BCL9: variants seen among roughly 807,000 people sequenced by gnomAD.
BCL9 encodes BCL9 transcription coactivator.
Under a neutral mutation model 88.5 loss-of-function variants are expected in BCL9, and 25 were observed. That is an observed-to-expected ratio of 0.28 (90% CI 0.21 to 0.39). The LOEUF is 0.39. BCL9 is among the 10% of genes least tolerant of loss of function. The pLI, the probability that BCL9 is intolerant of heterozygous loss-of-function variation, is 1.00. For missense variants in BCL9, 1,817 were observed against 1,877.8 expected (o/e 0.97, Z 0.60); for synonymous variants, 711 against 673.3 (o/e 1.06, Z -0.87).
rs782506747 is a variant in BCL9, at chr1:147,614,591, G to A, written c.535G>A (p.Val179Met). Reference sequence around the variant, plus strand: ...GAAGACTCCAGCCAAAGTGGTGTACGTGTTTTCTACTGAGATGGCCAATAA... The same window carrying A: ...GAAGACTCCAGCCAAAGTGGTGTACATGTTTTCTACTGAGATGGCCAATAA... Reference protein sequence around the residue: ...AQKTPAKVVYVFSTEMANKAA... With the variant: ...AQKTPAKVVYMFSTEMANKAA... The change falls in exon 6 of 10, where the codon GTG becomes ATG. Residue 179 changes from valine to methionine, a missense_variant. By Grantham distance (21) the Val-to-Met change is conservative (BLOSUM62 1). Transcript: ENST00000234739. 6.8e-6 allele frequency: 11 copies of A among 1,613,582 alleles called. No individual in the cohort carries two copies. Among genetic ancestry groups the A allele is most frequent in the East Asian group, 4.5e-5 (2 of 44,826 alleles).
chr1:147,589,217 C>T (rs79831270), intron 1 of BCL9, among the ~76,000 whole-genome samples: 1,964 of 152,268 alleles, frequency 0.013, 28 homozygotes, highest in Non-Finnish European at 0.02. Context: ...ACCTCTGCAC[C>T]TCCAGCCTGT....
In BCL9 at chr1:147,620,613, C is replaced by G; in HGVS notation, c.2458C>G (p.Leu820Val). 1 of 1,614,208 alleles carries G rather than the reference C, an allele frequency of 6.2e-7. No individual in the cohort carries two copies. The highest frequency in any genetic ancestry group is 8.5e-7 in the Non-Finnish European group (1 of 1,180,044). Residue 820 changes from leucine (L) to valine (V), a missense_variant, in exon 8 of 10, where the codon CTA (leucine) becomes GTA (valine). Around this residue, in one of 2 missense-constraint regions of BCL9, gnomAD observed 1,228 missense variants for 1,191.6 expected, o/e 1.03. Transcript: ENST00000234739. ...TNSRLSHMPPLPLNPSSNPTS... is the reference protein window; with the variant it reads ...TNSRLSHMPPVPLNPSSNPTS... Reference sequence around the variant, plus strand: ...CAGCCGGCTCAGTCATATGCCACCACTACCTCTCAACCCTTCCAGTAACCC... The same window carrying G: ...CAGCCGGCTCAGTCATATGCCACCAGTACCTCTCAACCCTTCCAGTAACCC...
In BCL9 at chr1:147,614,441, G is replaced by C; in HGVS notation, c.385G>C (p.Asp129His). 1 of 1,613,806 alleles carries C rather than the reference G, an allele frequency of 6.2e-7. No individual in the cohort carries two copies. ...TATTCTTTTAGAATGTAATTCTGCT[G>C]ACCACATAAAGTCCCAGGATTCCCA... is the stretch of plus-strand genomic sequence containing the variant. ...DSDIKECNSA[D>H]HIKSQDSQHT... Residue 129 changes from aspartate (D) to histidine (H), a missense_variant, in exon 6 of 10, where the codon GAC becomes CAC. By Grantham distance (81) the Asp-to-His change is moderately conservative (BLOSUM62 -1). Transcript: ENST00000234739.
intron 2 of BCL9, among the ~76,000 whole-genome samples, chr1:147,605,788 T>A (rs1033039508): frequency 6.6e-6 from 1 of 152,216 alleles, no homozygotes; most frequent in Non-Finnish European, 1.5e-5. Context: ...CTGAGGCTTT[T>A]TAGTTCCACA....
chr1:147,582,433 A>G (rs658357), intron 1 of BCL9, among the ~76,000 whole-genome samples: 34,798 of 152,120 alleles, frequency 0.23, 7,871 homozygotes, highest in African/African-American at 0.57. Flanking sequence ...ATGTATTTAT[A>G]CTTGGTTATT....
intron 1 of BCL9, among the ~76,000 whole-genome samples, chr1:147,572,182 CA>C (rs1553197506): frequency 6.6e-6 from 1 of 152,150 alleles, no homozygotes; most frequent in Non-Finnish European, 1.5e-5. Context: ...GCGGAGTTTG[CA>C]GTGAGCCAAG....
At chr1:147,598,353 A>G (rs1480493836) in intron 1 of BCL9, among the ~76,000 whole-genome samples, 8 of 152,234 alleles carry the variant, frequency 5.3e-5, no homozygotes, top group African/African-American at 1.9e-4. Flanking sequence ...ATCCTCAGTC[A>G]TGACAGAAGA....
At chr1:147,600,126 G>A (rs1657291344) in intron 1 of BCL9, 1 of 152,136 alleles carries the variant, frequency 6.6e-6, no homozygotes. Flanking sequence ...CGGGAGGGGG[G>A]AGCCGGAAAG....
chr1:147,592,989 T>G (rs1020675929), intron 1 of BCL9, among the ~76,000 whole-genome samples: 2 of 152,212 alleles, frequency 1.3e-5, no homozygotes, highest in Admixed American at 6.5e-5. Flanking sequence ...AGTGGGTTTT[T>G]GAATCACGCG....
chr1:147,576,362 G>A (rs1323340157), intron 1 of BCL9, among the ~76,000 whole-genome samples: 6 of 152,004 alleles, frequency 3.9e-5, no homozygotes, highest in Admixed American at 2.0e-4. Context: ...CTATGCATAC[G>A]CAAATATATC....
At chr1:147,596,305 C>A (rs1234485614) in intron 1 of BCL9, among the ~76,000 whole-genome samples, 1 of 151,886 alleles carries the variant, frequency 6.6e-6, no homozygotes, top group African/African-American at 2.4e-5. Context: ...AGATTTGTTT[C>A]TTTTGCCTGG....
At chr1:147,600,835 C>T (rs1657350787) in intron 1 of BCL9, among the ~76,000 whole-genome samples, 1 of 151,880 alleles carries the variant, frequency 6.6e-6, no homozygotes. Context: ...AGTTAAGGGC[C>T]CAAGCAGGTG....
At chr1:147,610,902 C>T (rs1204904609) in intron 3 of BCL9, among the ~76,000 whole-genome samples, 3 of 152,184 alleles carry the variant, frequency 2.0e-5, no homozygotes, top group East Asian at 3.8e-4. Context: ...GGATCATTCC[C>T]ATGCTTACCC....
chr1:147,543,941 G>A (rs1654442268), intron 1 of BCL9, among the ~76,000 whole-genome samples: 1 of 152,132 alleles, frequency 6.6e-6, no homozygotes, highest in Admixed American at 6.5e-5. Flanking sequence ...AGCACACTCT[G>A]CCCTGCTCAT....
At chr1:147,618,605 G>C (rs1553204219) in intron 7 of BCL9, among the ~76,000 whole-genome samples, 1 of 149,342 alleles carries the variant, frequency 6.7e-6, no homozygotes, top group Non-Finnish European at 1.5e-5. Context: ...TCTTCAGCAA[G>C]GGAAAGAGGA....
intron 1 of BCL9, among the ~76,000 whole-genome samples, chr1:147,566,017 G>C (rs1655579095): frequency 6.6e-6 from 1 of 152,090 alleles, no homozygotes; most frequent in Admixed American, 6.6e-5. Context: ...TTTTCCCATT[G>C]ATTAATCTTC....
chr1:147,603,504 T>A (rs1407767615), intron 1 of BCL9, among the ~76,000 whole-genome samples: 2 of 152,118 alleles, frequency 1.3e-5, no homozygotes, highest in African/African-American at 4.8e-5. Flanking sequence ...TTTTTTGTTT[T>A]GTTTTTTTTT....
At chr1:147,589,158 CAT>C (rs1656740323) in intron 1 of BCL9, among the ~76,000 whole-genome samples, 1 of 152,164 alleles carries the variant, frequency 6.6e-6, no homozygotes, top group Non-Finnish European at 1.5e-5. Context: ...TTTTCTCTTG[CAT>C]ATGTTTTCCT....
At chr1:147,565,064 A>G (rs1655543130) in intron 1 of BCL9, among the ~76,000 whole-genome samples, 1 of 152,116 alleles carries the variant, frequency 6.6e-6, no homozygotes, top group Non-Finnish European at 1.5e-5. Flanking sequence ...AGTGGACAAC[A>G]CTGTTGTTGA....
Sources: gnomAD v4.1 joint callset for allele counts (sites outside exome capture counted in the v4.1 genomes callset) on GRCh38, gnomAD v4.1.1 for gene constraint, gnomAD v4.1.1 regional missense constraint, MANE v1.5 for transcripts, NCBI Gene and HGNC (gene_info 2026-07-23, HGNC 2026-07-21) for gene names.